Variants in PID1 observed in about 807,000 individuals in gnomAD.
PID1 encodes the protein PTB-containing, cubilin and LRP1-interacting protein.
Under a neutral mutation model 19.1 loss-of-function variants are expected in PID1, and 10 were observed. That is an observed-to-expected ratio of 0.52 (90% CI 0.32 to 0.89). PID1 has a LOEUF of 0.89. Ranked by LOEUF, PID1 falls within the 40% of genes least tolerant of loss-of-function variation. PID1 has a pLI of 0.03. For synonymous variants in PID1, 130 were observed against 116.0 expected (o/e 1.12, Z -0.78); for missense variants, 248 against 285.3 (o/e 0.87, Z 0.94).
At chr2:229,063,544 T>C (rs1197718124) in intron 2 of PID1, among the ~76,000 whole-genome samples, 2 of 152,188 alleles carry the variant, frequency 1.3e-5, no homozygotes, top group East Asian at 3.8e-4. Flanking sequence ...TGGCCTAACA[T>C]ATGATCTATC....
At chr2:229,028,354 C>A (rs918270323) in intron 2 of PID1, among the ~76,000 whole-genome samples, 38 of 152,192 alleles carry the variant, frequency 2.5e-4, no homozygotes, top group African/African-American at 8.9e-4. Flanking sequence ...GTAAATTGAG[C>A]CATCAGAAAG....
Position 229,190,351 on chromosome 2 carries a change from C to A in PID1, c.31-34387G>T, listed in dbSNP as rs552374090. 5.9e-5 allele frequency among the ~76,000 whole-genome samples: 9 copies of A among 152,284 alleles called. No homozygotes were observed. In the East Asian group the frequency reaches 1.2e-3, roughly 20 times the overall value. ...AGAGTTGAACCAGCCCCGAGCTATA[C>A]CCCAGGCTGCAGGAGGGGCAGGACC... On this transcript the variant is annotated intron_variant, in intron 1 of 2. Transcript: ENST00000392055.
chr2:229,178,011 G>T (rs4973173), intron 1 of PID1, among the ~76,000 whole-genome samples: 73,638 of 151,800 alleles, frequency 0.49, 18,082 homozygotes, highest in Admixed American at 0.56. Flanking sequence ...TCTTTCCAGA[G>T]TGTCTGTCAG....
intron 2 of PID1, among the ~76,000 whole-genome samples, chr2:229,098,864 T>G (rs1457861287): frequency 6.6e-6 from 1 of 152,218 alleles, no homozygotes; most frequent in Non-Finnish European, 1.5e-5. Context: ...CTCGCCACGT[T>G]CGTGCTTTTT....
At position 229,074,893 on chromosome 2, in the gene PID1, C is replaced by A. The variant is rs184193194; in HGVS notation, c.178-48785G>T. On this transcript the variant is annotated intron_variant, in intron 2 of 2. Coordinates refer to ENST00000392055, the MANE Select transcript of PID1 (RefSeq NM_001100818.2). ...AATGCGGGGACAAAACTAGTTCGAC[C>A]AATATTACATATTTTTTCTCTCCAG... Among the ~76,000 whole-genome samples, 392 of 152,230 alleles carry A rather than the reference C, an allele frequency of 2.6e-3. 1 individual carries two copies. Among genetic ancestry groups the A allele is most frequent in the Non-Finnish European group, 4.7e-3 (323 of 68,008 alleles).
chr2:229,252,884 G>A (rs1690191159), intron 1 of PID1, among the ~76,000 whole-genome samples: 1 of 152,216 alleles, frequency 6.6e-6, no homozygotes, highest in Non-Finnish European at 1.5e-5. Flanking sequence ...GAAAAGACAA[G>A]GAGGTGGGTG....
At chr2:229,173,843 T>A (rs571333637) in intron 1 of PID1, among the ~76,000 whole-genome samples, 1 of 152,098 alleles carries the variant, frequency 6.6e-6, no homozygotes, top group Non-Finnish European at 1.5e-5. Context: ...AATCAATGAG[T>A]AGCAGAGTTA....
intron 1 of PID1, among the ~76,000 whole-genome samples, chr2:229,215,876 G>A (rs1343873695): frequency 1.3e-5 from 2 of 152,308 alleles, no homozygotes; most frequent in East Asian, 3.9e-4. Flanking sequence ...AACGATTTGT[G>A]TTGCCTTGTA....
At chr2:229,113,649 G>A (rs1695349689) in intron 2 of PID1, among the ~76,000 whole-genome samples, 1 of 150,568 alleles carries the variant, frequency 6.6e-6, no homozygotes. Context: ...TGGGAAGACT[G>A]AGGCACAGTG....
chr2:229,262,656 TAA>T, intron 1 of PID1: 1 of 1,549,810 alleles, frequency 6.5e-7, no homozygotes, highest in Non-Finnish European at 8.7e-7. Context: ...CTGGGTAGCT[TAA>T]AACAACAGAA....
chr2:229,175,853 A>G (rs1479323342), intron 1 of PID1, among the ~76,000 whole-genome samples: 1 of 152,178 alleles, frequency 6.6e-6, no homozygotes, highest in South Asian at 2.1e-4. Flanking sequence ...TTAAATATCA[A>G]CCTAAACATA....
chr2:229,102,681 T>TTA (rs1559233858), intron 2 of PID1, among the ~76,000 whole-genome samples: 1 of 152,204 alleles, frequency 6.6e-6, no homozygotes, highest in Non-Finnish European at 1.5e-5. Flanking sequence ...CTCTGTCATC[T>TTA]TAATAGAACC....
At chr2:229,118,243 T>C (rs1459537802) in intron 2 of PID1, among the ~76,000 whole-genome samples, 1 of 152,166 alleles carries the variant, frequency 6.6e-6, no homozygotes, top group East Asian at 1.9e-4. Flanking sequence ...CACAGAATAA[T>C]GACAGGAAAT....
intron 2 of PID1, among the ~76,000 whole-genome samples, chr2:229,146,510 T>C (rs1379871658): frequency 1.3e-5 from 2 of 149,622 alleles, no homozygotes; most frequent in East Asian, 1.9e-4. Context: ...AAAAAAATTA[T>C]GAACTGTGAA....
At chr2:229,178,807 T>C (rs1207296084) in intron 1 of PID1, among the ~76,000 whole-genome samples, 5 of 152,128 alleles carry the variant, frequency 3.3e-5, no homozygotes, top group African/African-American at 9.7e-5. Context: ...AAAGTGTCTC[T>C]TGTGGTCTGG....
intron 1 of PID1, among the ~76,000 whole-genome samples, chr2:229,266,442 T>C (rs935093973): frequency 6.6e-6 from 1 of 152,326 alleles, no homozygotes; most frequent in Admixed American, 6.5e-5. Flanking sequence ...ACCAAAGATT[T>C]GAGCCACCAA....
At chr2:229,247,455 C>T (rs917076370) in intron 1 of PID1, among the ~76,000 whole-genome samples, 2 of 152,166 alleles carry the variant, frequency 1.3e-5, no homozygotes, top group African/African-American at 2.4e-5. Flanking sequence ...GCTTATGTCC[C>T]ACCAACTACA....
chr2:229,230,422 C>T (rs1230018979), intron 1 of PID1, among the ~76,000 whole-genome samples: 2 of 152,166 alleles, frequency 1.3e-5, no homozygotes, highest in Admixed American at 1.3e-4. Flanking sequence ...AATATGAGCC[C>T]TTCTTGGCCC....
At chr2:229,253,005 G>A (rs144680807) in intron 1 of PID1, among the ~76,000 whole-genome samples, 1 of 152,294 alleles carries the variant, frequency 6.6e-6, no homozygotes, top group East Asian at 1.9e-4. Flanking sequence ...TAGCAAAGCA[G>A]GTCTTGAAAA....
Sources: allele counts gnomAD v4.1 joint callset (sites outside exome capture counted in the v4.1 genomes callset), GRCh38; gene constraint gnomAD v4.1.1; transcripts MANE v1.5; gene names NCBI Gene and HGNC (gene_info 2026-07-23, HGNC 2026-07-21).